NELL1: variants seen among roughly 807,000 people sequenced by gnomAD.
The protein encoded by NELL1 is protein kinase C-binding protein NELL1.
In NELL1, 76 loss-of-function variants were observed where a neutral mutation model predicts 107.4. The ratio of observed to expected loss-of-function variants is 0.71; its 90% CI spans 0.59 to 0.86. The LOEUF (loss-of-function observed/expected upper bound fraction) is 0.86. Ranked by LOEUF, NELL1 falls within the 40% of genes least tolerant of loss-of-function variation. The pLI is 0.00. For synonymous variants in NELL1, 353 were observed against 341.2 expected (o/e 1.03, Z -0.38); for missense variants, 1,024 against 1,005.5 (o/e 1.02, Z -0.25).
chr11:21,141,295 C>T (rs1855861565), intron 13 of NELL1, among the ~76,000 whole-genome samples: 1 of 152,182 alleles, frequency 6.6e-6, no homozygotes, highest in Non-Finnish European at 1.5e-5. Flanking sequence ...TTAATTGTTC[C>T]TTCAGGACAC....
intron 12 of NELL1, among the ~76,000 whole-genome samples, chr11:21,068,073 G>T (rs1281037869): frequency 8.5e-6 from 1 of 118,240 alleles, no homozygotes; most frequent in East Asian, 2.9e-4. Flanking sequence ...CTCTATTCTA[G>T]AACTATATTC....
intron 12 of NELL1, among the ~76,000 whole-genome samples, chr11:20,975,279 G>C (rs1455562329): frequency 6.6e-6 from 1 of 151,918 alleles, no homozygotes; most frequent in African/African-American, 2.4e-5. Context: ...GTCTCCCAAA[G>C]TGCTGGGATT....
intron 12 of NELL1, among the ~76,000 whole-genome samples, chr11:21,021,453 T>G (rs552461788): frequency 6.6e-6 from 1 of 152,270 alleles, no homozygotes; most frequent in East Asian, 1.9e-4. Flanking sequence ...AGTTGCTTTA[T>G]TTTAGGCATG....
At chr11:20,868,180 T>C (rs1318235528) in intron 4 of NELL1, among the ~76,000 whole-genome samples, 1 of 152,182 alleles carries the variant, frequency 6.6e-6, no homozygotes, top group Non-Finnish European at 1.5e-5. Context: ...TTAACCTGTT[T>C]AAGGTCCTAG....
chr11:21,510,883 T>A (rs957061209), intron 15 of NELL1, among the ~76,000 whole-genome samples: 1 of 152,216 alleles, frequency 6.6e-6, no homozygotes, highest in Non-Finnish European at 1.5e-5. Context: ...ATAACTTTTA[T>A]ATGTATGTTA....
At chr11:20,910,428 T>C (rs1453294956) in intron 5 of NELL1, among the ~76,000 whole-genome samples, 1 of 152,142 alleles carries the variant, frequency 6.6e-6, no homozygotes, top group East Asian at 1.9e-4. Context: ...GGGGAATCAA[T>C]TTGCAATCAT....
chr11:20,881,626 T>G (rs1287011218), intron 4 of NELL1, among the ~76,000 whole-genome samples: 2 of 152,256 alleles, frequency 1.3e-5, no homozygotes, highest in Non-Finnish European at 2.9e-5. Context: ...GTCTGCTCTT[T>G]CAGCTCCACT....
intron 3 of NELL1, among the ~76,000 whole-genome samples, chr11:20,844,646 G>C (rs12284523): frequency 0.32 from 48,802 of 151,678 alleles, 8,824 homozygotes; most frequent in African/African-American, 0.49. Flanking sequence ...TCACTTGCTC[G>C]TAGCGTCAGA....
chr11:20,822,091 C>T (rs979694703), intron 3 of NELL1, among the ~76,000 whole-genome samples: 3 of 152,132 alleles, frequency 2.0e-5, no homozygotes, highest in Non-Finnish European at 2.9e-5. Context: ...CCAAGTCAGT[C>T]TAGGAGTGGA....
chr11:20,711,026 A>G (rs986877457), intron 2 of NELL1, among the ~76,000 whole-genome samples: 3 of 150,684 alleles, frequency 2.0e-5, no homozygotes, highest in African/African-American at 7.3e-5. Context: ...AATTTGTTTT[A>G]GTTCTACTCT....
chr11:21,046,360 C>G (rs1179239415), intron 12 of NELL1, among the ~76,000 whole-genome samples: 1 of 152,064 alleles, frequency 6.6e-6, no homozygotes, highest in East Asian at 1.9e-4. Flanking sequence ...GAATTCAAAC[C>G]AGTGCTTTTG....
intron 3 of NELL1, among the ~76,000 whole-genome samples, chr11:20,812,805 G>A (rs1590318116): frequency 6.6e-6 from 1 of 151,470 alleles, no homozygotes; most frequent in African/African-American, 2.4e-5. Context: ...TCAGGAGATC[G>A]AGACCATCCT....
intron 13 of NELL1, among the ~76,000 whole-genome samples, chr11:21,179,594 A>G (rs542951162): frequency 7.2e-5 from 11 of 151,878 alleles, no homozygotes; most frequent in Admixed American, 6.5e-4. Flanking sequence ...CTTATGTCAA[A>G]TCTATTAACA....
intron 15 of NELL1, among the ~76,000 whole-genome samples, chr11:21,454,446 T>C (rs969300710): frequency 6.6e-6 from 1 of 152,184 alleles, no homozygotes; most frequent in African/African-American, 2.4e-5. Context: ...AAACAGTAAA[T>C]TTATCTTTCC....
intron 3 of NELL1, among the ~76,000 whole-genome samples, chr11:20,804,959 A>G (rs545056964): frequency 1.3e-5 from 2 of 152,262 alleles, no homozygotes; most frequent in South Asian, 4.1e-4. Context: ...TGGGTGTTCC[A>G]GTGTTGGGTG....
At chr11:21,476,727 T>C (rs1015924159) in intron 15 of NELL1, among the ~76,000 whole-genome samples, 1 of 152,144 alleles carries the variant, frequency 6.6e-6, no homozygotes, top group African/African-American at 2.4e-5. Context: ...GAATTGCTAA[T>C]GCCACCCGTC....
chr11:21,130,258 C>T (rs562539694), intron 13 of NELL1, among the ~76,000 whole-genome samples: 1 of 152,156 alleles, frequency 6.6e-6, no homozygotes, highest in African/African-American at 2.4e-5. Flanking sequence ...GAATGAAGTG[C>T]ATGGGTTTTA....
At chr11:21,139,177 A>G (rs1489239099) in intron 13 of NELL1, among the ~76,000 whole-genome samples, 2 of 152,176 alleles carry the variant, frequency 1.3e-5, no homozygotes, top group East Asian at 3.9e-4. Flanking sequence ...CCTTCTTTGG[A>G]AAGTAAGAGT....
At chr11:21,248,385 A>G (rs551333284) in intron 14 of NELL1, among the ~76,000 whole-genome samples, 1 of 152,122 alleles carries the variant, frequency 6.6e-6, no homozygotes, top group South Asian at 2.1e-4. Flanking sequence ...ACATAACAAG[A>G]CAAAACAAAG....
Sources: gnomAD v4.1 joint callset for allele counts (sites outside exome capture counted in the v4.1 genomes callset) on GRCh38, gnomAD v4.1.1 for gene constraint, MANE v1.5 for transcripts, NCBI Gene and HGNC (gene_info 2026-07-23, HGNC 2026-07-21) for gene names.